PCDHGA5: variants seen among roughly 807,000 people sequenced by gnomAD.
PCDHGA5 encodes protocadherin gamma-A5.
In PCDHGA5, 36 loss-of-function variants were observed where a neutral mutation model predicts 56.7. The observed-to-expected ratio is 0.64, with a 90% CI of 0.49 to 0.84. PCDHGA5 has a LOEUF of 0.84. PCDHGA5 is among the 40% of genes least tolerant of loss of function. The probability of loss-of-function intolerance (pLI) is 0.00; values close to 1 mark genes in which losing one functional copy is unlikely to be tolerated. For synonymous variants in PCDHGA5, 563 were observed against 520.2 expected (o/e 1.08, Z -1.12); for missense variants, 1,305 against 1,201.5 (o/e 1.09, Z -1.27).
At position 141,402,030 on chromosome 5, in the gene PCDHGA5, A is replaced by C. The variant is rs188760101; in HGVS notation, c.2421+35279A>C. On this transcript the variant is annotated intron_variant, in intron 1 of 3. Transcript: ENST00000518069. Reference sequence around the variant, plus strand: ...ATATGCATTTGAATCATTGAAACACAGTCTGTGCATGCATTACATATTCAC... The same window carrying C: ...ATATGCATTTGAATCATTGAAACACCGTCTGTGCATGCATTACATATTCAC... Among the ~76,000 whole-genome samples the C allele has an allele frequency of 1.4e-3, 213 of 152,348 alleles. 1 individual carries two copies. The highest frequency in any genetic ancestry group is 4.8e-3 in the African/African-American group (199 of 41,586).
In PCDHGA5 at chr5:141,487,259, T is replaced by A. The variant is rs2099641960; in HGVS notation, c.2422-7548T>A. 1.9e-6 allele frequency: 3 copies of A among 1,614,014 alleles called. No individual in the cohort carries two copies. The highest frequency in any genetic ancestry group is 1.3e-5 in the African/African-American group (1 of 74,926). ...TCGTCTAACCCTCTACTTGGCTGTGTCCCTAGTGGCAATTTGCTTTGTCTC... is the reference window on the plus strand; with the variant it reads ...TCGTCTAACCCTCTACTTGGCTGTGACCCTAGTGGCAATTTGCTTTGTCTC... On this transcript the variant is annotated intron_variant, in intron 1 of 3. Coordinates refer to ENST00000518069, the MANE Select transcript of PCDHGA5 (RefSeq NM_018918.3). The surrounding 1 kb of genome is among the most constrained non-coding windows in gnomAD (Gnocchi z 5.0).
At position 141,486,548 on chromosome 5, in the gene PCDHGA5, T is replaced by C; in HGVS notation, c.2422-8259T>C. 1 of 1,614,100 alleles carries C rather than the reference T, an allele frequency of 6.2e-7. No individual in the cohort carries two copies. ...TAATCCACCCTCTTTCTTTCAGAGG[T>C]CACATGAGGTGTTTGTTCCTGAGAA... is the stretch of plus-strand genomic sequence containing the variant. On this transcript the variant is annotated intron_variant, in intron 1 of 3. Coordinates refer to ENST00000518069, the MANE Select transcript of PCDHGA5 (RefSeq NM_018918.3). The surrounding 1 kb of genome is among the most constrained non-coding windows in gnomAD (Gnocchi z 5.0).
At position 141,399,887 on chromosome 5, in the gene PCDHGA5, T is replaced by C. The variant is rs1189359878; in HGVS notation, c.2421+33136T>C. ...GAGCCCGGCTACCTGGTGACCAAGG[T>C]AGTGGCCGTGGACGCAGACTCAGGA... On this transcript the variant is annotated intron_variant, in intron 1 of 3. Coordinates refer to ENST00000518069, the MANE Select transcript of PCDHGA5 (RefSeq NM_018918.3). 3 of 1,612,524 alleles carry C rather than the reference T, an allele frequency of 1.9e-6. No homozygotes were observed. The African/African-American group carries it at 4.0e-5, about 22-fold the overall frequency.
At chr5:141,439,190 C>CA (rs200519543) in intron 1 of PCDHGA5, among the ~76,000 whole-genome samples, 17,650 of 111,626 alleles carry the variant, frequency 0.16, 1,295 homozygotes, top group African/African-American at 0.25. Context: ...GAGACTCTGA[C>CA]AAAAAAAAAA....
chr5:141,421,885 G>T, intron 1 of PCDHGA5: 1 of 1,613,692 alleles, frequency 6.2e-7, no homozygotes, highest in Non-Finnish European at 8.5e-7. Context: ...AGATGGAGGC[G>T]ATCCCATCCG....
chr5:141,419,354 C>G (rs1444462815), intron 1 of PCDHGA5: 1 of 1,613,828 alleles, frequency 6.2e-7, no homozygotes, highest in Admixed American at 1.7e-5. Flanking sequence ...CCTGGAGTCA[C>G]GAACGCTGTC....
intron 1 of PCDHGA5, among the ~76,000 whole-genome samples, chr5:141,444,012 G>T (rs1355186604): frequency 1.3e-5 from 2 of 152,058 alleles, no homozygotes; most frequent in African/African-American, 4.8e-5. Flanking sequence ...CTGGGTATTG[G>T]CTTCTAAAAG....
At position 141,489,090 on chromosome 5, in the gene PCDHGA5, C is replaced by A; in HGVS notation, c.2422-5717C>A. On this transcript the variant is annotated intron_variant, in intron 1 of 3. Transcript: ENST00000518069. The surrounding 1 kb of genome is among the most constrained non-coding windows in gnomAD (Gnocchi z 4.5). Reference sequence around the variant, plus strand: ...CCTGCCCACCCCCGCCACTCGGTGACTAAGAACTGCTGCAAGCAGGCAAAC... The same window carrying A: ...CCTGCCCACCCCCGCCACTCGGTGAATAAGAACTGCTGCAAGCAGGCAAAC... The A allele has an allele frequency of 1.5e-5, 5 of 328,802 alleles. No individual in the cohort carries two copies. The highest frequency in any genetic ancestry group is 4.8e-5 in the East Asian group (1 of 20,928). 20.4% of individuals were successfully genotyped at this position (328,802 alleles called of 1,614,324 possible).
intron 2 of PCDHGA5, among the ~76,000 whole-genome samples, chr5:141,501,506 G>A (rs770097282): frequency 1.3e-5 from 2 of 151,864 alleles, no homozygotes; most frequent in Non-Finnish European, 2.9e-5. Context: ...GGGGCTCCAA[G>A]GCCTCCAAGC....
At chr5:141,373,221 T>C (rs1295527389) in intron 1 of PCDHGA5, among the ~76,000 whole-genome samples, 1 of 152,268 alleles carries the variant, frequency 6.6e-6, no homozygotes, top group Non-Finnish European at 1.5e-5. Flanking sequence ...TAATGTAACC[T>C]GTATATAATA....
rs1596285501 is a variant in PCDHGA5, at chr5:141,510,367, C to A, written c.2570-580C>A. Among the ~76,000 whole-genome samples the A allele has an allele frequency of 5.0e-5, 7 of 140,362 alleles. 1 individual carries two copies. In the South Asian group the frequency reaches 1.6e-3, roughly 31 times the overall value. The allele number at this position is 140,362 out of a possible 152,430, so 92.1% of individuals were successfully genotyped here. A position where few individuals can be genotyped will look rare whatever the true frequency, so the allele number is the denominator to read the frequency against. On this transcript the variant is annotated intron_variant, in intron 3 of 3. Transcript: ENST00000518069. ...ACACTTACTAACGGAACTACCGAAT[C>A]TCTACTCGTGCCAGGCCTTGCTTGG...
intron 1 of PCDHGA5, chr5:141,399,501 C>T (rs941107702): frequency 5.6e-6 from 9 of 1,614,032 alleles, no homozygotes; most frequent in Non-Finnish European, 7.6e-6. Flanking sequence ...TCAGTGTACC[C>T]GAAAACAACC....
At chr5:141,499,689 CT>C (rs545067566) in intron 2 of PCDHGA5, among the ~76,000 whole-genome samples, 4,434 of 119,828 alleles carry the variant, frequency 0.037, 46 homozygotes, top group African/African-American at 0.083. Context: ...TAACAGATGA[CT>C]TTTTTTTTTT....
At chr5:141,435,884 C>G (rs1020738994) in intron 1 of PCDHGA5, among the ~76,000 whole-genome samples, 9 of 152,070 alleles carry the variant, frequency 5.9e-5, no homozygotes, top group African/African-American at 1.9e-4. Flanking sequence ...ATTGGAAACC[C>G]CTTAGAGAAT....
At chr5:141,456,148 C>G (rs1408257938) in intron 1 of PCDHGA5, among the ~76,000 whole-genome samples, 1 of 152,080 alleles carries the variant, frequency 6.6e-6, no homozygotes, top group African/African-American at 2.4e-5. Flanking sequence ...CCGCCCGCCT[C>G]GGCCTCCTAA....
At position 141,403,188 on chromosome 5, in the gene PCDHGA5, C is replaced by T. The variant is rs763950254; in HGVS notation, c.2421+36437C>T. ...AGGACGCAGCTTTTCTCTCTGAACCCGCGCAGCGGCACCTTGGTCACCGCG... is the reference window on the plus strand; with the variant it reads ...AGGACGCAGCTTTTCTCTCTGAACCTGCGCAGCGGCACCTTGGTCACCGCG... On this transcript the variant is annotated intron_variant, in intron 1 of 3. Coordinates refer to ENST00000518069, the MANE Select transcript of PCDHGA5 (RefSeq NM_018918.3). 5 of 1,613,850 alleles carry T rather than the reference C, an allele frequency of 3.1e-6. No individual in the cohort carries two copies. The African/African-American group carries it at 4.0e-5, about 13-fold the overall frequency.
At chr5:141,502,377 C>A (rs748121694) in intron 2 of PCDHGA5, among the ~76,000 whole-genome samples, 14 of 151,904 alleles carry the variant, frequency 9.2e-5, no homozygotes, top group Non-Finnish European at 1.3e-4. Flanking sequence ...AGAGTCCAGG[C>A]CAGTTGTACT....
In PCDHGA5 at chr5:141,477,244, G is replaced by T. The variant is rs367944211; in HGVS notation, c.2422-17563G>T. On this transcript the variant is annotated intron_variant, in intron 1 of 3. Coordinates refer to ENST00000518069, the MANE Select transcript of PCDHGA5 (RefSeq NM_018918.3). The surrounding 1 kb of genome is among the most constrained non-coding windows in gnomAD (Gnocchi z 4.9). ...GGACTGTCATCGCTTTGCTCAGTGT[G>T]ACTGACCTGGATGCTGGCGAGAACG... 9 of 1,614,190 alleles carry T rather than the reference G, an allele frequency of 5.6e-6. No homozygotes were observed. Among genetic ancestry groups the T allele is most frequent in the Non-Finnish European group, 7.6e-6 (9 of 1,180,052 alleles).
rs1447586286 is a variant in PCDHGA5 at position 141,364,932 on chromosome 5, A to G, written c.602A>G (p.Asp201Gly). ...GAGCTGGTGTTGGAACAGCCCCTAG[A>G]CCGCGAGAAAGAGACTGTTCACGAC... ...YPELVLEQPLDREKETVHDLL... is the reference protein window; with the variant it reads ...YPELVLEQPLGREKETVHDLL... Residue 201 changes from aspartate (D) to glycine (G), a missense_variant, in exon 1 of 4, where the codon GAC becomes GGC. Coordinates refer to ENST00000518069, the MANE Select transcript of PCDHGA5 (RefSeq NM_018918.3). 6.2e-7 allele frequency: 1 copy of G among 1,613,886 alleles called. No individual in the cohort carries two copies.
Sources: gnomAD v4.1 joint callset for allele counts (sites outside exome capture counted in the v4.1 genomes callset) on GRCh38, gnomAD v4.1.1 for gene constraint, Gnocchi (gnomAD v3.1) non-coding constraint, MANE v1.5 for transcripts, NCBI Gene and HGNC (gene_info 2026-07-23, HGNC 2026-07-21) for gene names.